SGCZ: variants seen among roughly 807,000 people sequenced by gnomAD.
SGCZ encodes the protein zeta-sarcoglycan.
Under a neutral mutation model 41.3 loss-of-function variants are expected in SGCZ, and 40 were observed. That is an observed-to-expected ratio of 0.97 (90% CI 0.75 to 1.26). SGCZ has a LOEUF of 1.26. Ranked by LOEUF, SGCZ falls within the 50% of genes most tolerant of loss-of-function variation. The pLI is 0.00. For synonymous variants in SGCZ, 206 were observed against 137.5 expected (o/e 1.50, Z -3.49); for missense variants, 552 against 369.8 (o/e 1.49, Z -4.04).
At chr8:14,203,768 G>A (rs376098008) in intron 4 of SGCZ, among the ~76,000 whole-genome samples, 44 of 152,228 alleles carry the variant, frequency 2.9e-4, no homozygotes, top group African/African-American at 1.0e-3. Flanking sequence ...AATGCACTTA[G>A]TATTGATGGG....
At chr8:14,444,459 A>G (rs1463417770) in intron 2 of SGCZ, among the ~76,000 whole-genome samples, 5 of 152,184 alleles carry the variant, frequency 3.3e-5, no homozygotes, top group Non-Finnish European at 5.9e-5. Context: ...TGGCACATAT[A>G]CACCATGGAA....
intron 1 of SGCZ, among the ~76,000 whole-genome samples, chr8:14,764,315 C>T (rs1799976088): frequency 6.6e-6 from 1 of 152,188 alleles, no homozygotes; most frequent in Admixed American, 6.5e-5. Flanking sequence ...AGGACTGATA[C>T]ACGATCTTAA....
intron 1 of SGCZ, among the ~76,000 whole-genome samples, chr8:14,585,011 A>G (rs987149214): frequency 2.6e-5 from 4 of 152,190 alleles, no homozygotes; most frequent in Non-Finnish European, 4.4e-5. Context: ...GCTACAAGAA[A>G]TAGAAAAAAT....
At chr8:14,685,941 C>A (rs1808596601) in intron 1 of SGCZ, among the ~76,000 whole-genome samples, 1 of 152,110 alleles carries the variant, frequency 6.6e-6, no homozygotes, top group Non-Finnish European at 1.5e-5. Flanking sequence ...TTGGGTTTAG[C>A]TGTTACACTA....
chr8:14,888,701 A>C (rs1292270954), intron 1 of SGCZ, among the ~76,000 whole-genome samples: 1 of 152,202 alleles, frequency 6.6e-6, no homozygotes, highest in Non-Finnish European at 1.5e-5. Flanking sequence ...GCAAAAGAAC[A>C]TTAAAATATC....
intron 4 of SGCZ, among the ~76,000 whole-genome samples, chr8:14,179,157 A>G (rs1176376665): frequency 1.3e-5 from 2 of 152,202 alleles, no homozygotes; most frequent in African/African-American, 4.8e-5. Flanking sequence ...GTAAGATACA[A>G]ATTGTCAGGT....
rs555175392 is a variant in SGCZ, at chr8:15,108,076, GT to G, written c.39+129508del. Among the ~76,000 whole-genome samples, 15 of 152,166 alleles carry G rather than the reference GT, an allele frequency of 9.9e-5. No homozygotes were observed. The South Asian group carries it at 3.1e-3, about 32-fold the overall frequency. ...CTTACCCCTCCCCTCAAGGAAATAG[GT>G]TTGGATTTATTTATGAATTCTACTA... On this transcript the variant is annotated intron_variant, in intron 1 of 7. Transcript: ENST00000382080.
chr8:15,147,525 C>A (rs1189813799), intron 1 of SGCZ, among the ~76,000 whole-genome samples: 6 of 152,154 alleles, frequency 3.9e-5, no homozygotes, highest in Admixed American at 3.9e-4. Context: ...TGATCCACCT[C>A]CCTCGGCCCC....
chr8:15,051,452 A>G (rs191833058), intron 1 of SGCZ, among the ~76,000 whole-genome samples: 1 of 152,188 alleles, frequency 6.6e-6, no homozygotes, highest in African/African-American at 2.4e-5. Flanking sequence ...GAAGCCTGTT[A>G]TAAATCATGA....
At chr8:14,634,998 CT>C (rs1806781587) in intron 1 of SGCZ, among the ~76,000 whole-genome samples, 1 of 151,436 alleles carries the variant, frequency 6.6e-6, no homozygotes, top group Non-Finnish European at 1.5e-5. Flanking sequence ...GGGTAATTAA[CT>C]TTTATACATA....
chr8:14,778,023 A>T lies in SGCZ; in HGVS notation c.40-223097T>A, dbSNP rs1256534018. On this transcript the variant is annotated intron_variant, in intron 1 of 7. Transcript: ENST00000382080. ...ACTGTAACCTTCATCTCCCAGACTTAAGCGATCCTCCCACCTTAGCCTCCC... is the reference window on the plus strand; with the variant it reads ...ACTGTAACCTTCATCTCCCAGACTTTAGCGATCCTCCCACCTTAGCCTCCC... 3.3e-5 allele frequency among the ~76,000 whole-genome samples: 5 copies of T among 152,172 alleles called. No individual in the cohort carries two copies. In the South Asian group the frequency reaches 1.0e-3, roughly 32 times the overall value.
chr8:14,679,913 A>G (rs938186901), intron 1 of SGCZ, among the ~76,000 whole-genome samples: 2 of 151,890 alleles, frequency 1.3e-5, no homozygotes, highest in African/African-American at 4.8e-5. Context: ...AATAATTTTG[A>G]TACACACTTA....
At chr8:14,364,666 T>G (rs771334914) in intron 2 of SGCZ, among the ~76,000 whole-genome samples, 4 of 152,166 alleles carry the variant, frequency 2.6e-5, no homozygotes, top group Non-Finnish European at 4.4e-5. Flanking sequence ...CTTATATAAA[T>G]TCCCTTTTTG....
At chr8:14,851,368 C>CAAAAAAAA (rs369090223) in intron 1 of SGCZ, among the ~76,000 whole-genome samples, 394 of 60,214 alleles carry the variant, frequency 6.5e-3, no homozygotes, top group Non-Finnish European at 8.7e-3. Flanking sequence ...GACTCCATCT[C>CAAAAAAAA]AAAAAAAAAA....
chr8:14,694,533 A>G (rs1808897308), intron 1 of SGCZ, among the ~76,000 whole-genome samples: 1 of 152,166 alleles, frequency 6.6e-6, no homozygotes, highest in Non-Finnish European at 1.5e-5. Context: ...TAAAAATTTG[A>G]TCCTAGGACT....
At chr8:14,915,961 G>A (rs576785913) in intron 1 of SGCZ, among the ~76,000 whole-genome samples, 133 of 152,262 alleles carry the variant, frequency 8.7e-4, no homozygotes, top group African/African-American at 2.4e-3. Context: ...TTTAACATGT[G>A]TTCCAGCAGA....
intron 1 of SGCZ, among the ~76,000 whole-genome samples, chr8:15,069,515 T>C (rs1333173466): frequency 6.6e-6 from 1 of 152,196 alleles, no homozygotes; most frequent in Non-Finnish European, 1.5e-5. Flanking sequence ...ATTTTCACGT[T>C]AACACCACCC....
At position 15,149,336 on chromosome 8, in the gene SGCZ, T is replaced by C. The variant is rs967769050; in HGVS notation, c.39+88249A>G. Among the ~76,000 whole-genome samples, 5 of 152,142 alleles carry C rather than the reference T, an allele frequency of 3.3e-5. No individual in the cohort carries two copies. The East Asian group carries it at 9.6e-4, about 29-fold the overall frequency. ...AAGTATGGAGGATTGGTGTGCAGAA[T>C]AAAAAGCTCACAGGACAGAAAGTCT... On this transcript the variant is annotated intron_variant, in intron 1 of 7. Transcript: ENST00000382080.
At chr8:14,457,520 G>A (rs1285516827) in intron 2 of SGCZ, among the ~76,000 whole-genome samples, 1 of 152,202 alleles carries the variant, frequency 6.6e-6, no homozygotes, top group East Asian at 1.9e-4. Flanking sequence ...AGGCTTGCCT[G>A]CAGTTATCCG....
Sources: allele counts gnomAD v4.1 joint callset (sites outside exome capture counted in the v4.1 genomes callset), GRCh38; gene constraint gnomAD v4.1.1; transcripts MANE v1.5; gene names NCBI Gene and HGNC (gene_info 2026-07-23, HGNC 2026-07-21).